Variants in CSMD1 observed in about 807,000 individuals in gnomAD.
CSMD1 encodes the protein CUB and Sushi multiple domains 1, also known as CUB and sushi domain-containing protein 1.
Under a neutral mutation model 417.5 loss-of-function variants are expected in CSMD1, and 213 were observed. That is an observed-to-expected ratio of 0.51 (90% CI 0.46 to 0.57). The LOEUF (loss-of-function observed/expected upper bound fraction) is 0.57, where lower values mean the gene tolerates loss of function less well. CSMD1 is among the 20% of genes least tolerant of loss of function. The probability of loss-of-function intolerance (pLI) is 0.00; values close to 1 mark genes in which losing one functional copy is unlikely to be tolerated. For synonymous variants in CSMD1, 2,862 were observed against 1,736.8 expected, an observed-to-expected ratio of 1.65 and a Z score of -16.11; for missense variants, 6,923 against 4,529.7, an observed-to-expected ratio of 1.53 and a Z score of -15.17.
At chr8:4,521,264 G>A (rs577384836) in intron 2 of CSMD1, among the ~76,000 whole-genome samples, 1 of 152,210 alleles carries the variant, frequency 6.6e-6, no homozygotes, top group South Asian at 2.1e-4. Context: ...ATGGGGTCAA[G>A]ACATAGCTGT....
intron 3 of CSMD1, among the ~76,000 whole-genome samples, chr8:4,263,925 G>A (rs1389972441): frequency 2.0e-5 from 3 of 152,108 alleles, no homozygotes; most frequent in Non-Finnish European, 4.4e-5. Flanking sequence ...TCTAAATACA[G>A]TGTTTTTCTA....
chr8:3,151,028 G>C lies in CSMD1; in HGVS notation c.6031+369C>G, dbSNP rs80246641. On this transcript the variant is annotated intron_variant, in intron 40 of 69. Coordinates refer to ENST00000635120, the MANE Select transcript of CSMD1 (RefSeq NM_033225.6). ...TAAAAGGAGTCATAACCTTTAAAAA[G>C]CCTTCAGAATTATCCAGAAGAAACA... is the stretch of plus-strand genomic sequence containing the variant. Among the ~76,000 whole-genome samples the C allele has an allele frequency of 4.1e-3, 627 of 152,150 alleles. 5 individuals carry two copies. The highest frequency in any genetic ancestry group is 0.014 in the African/African-American group (601 of 41,516).
At chr8:3,230,964 TATC>T (rs2116910300) in intron 26 of CSMD1, among the ~76,000 whole-genome samples, 1 of 152,242 alleles carries the variant, frequency 6.6e-6, no homozygotes, top group Non-Finnish European at 1.5e-5. Flanking sequence ...ACTGGAGCCT[TATC>T]ATATCAGTTT....
chr8:4,754,566 G>C (rs1811547975), intron 1 of CSMD1, among the ~76,000 whole-genome samples: 1 of 150,526 alleles, frequency 6.6e-6, no homozygotes, highest in Non-Finnish European at 1.5e-5. Context: ...TTAAAGCCAA[G>C]TAGGGCCAGG....
At chr8:4,540,801 C>G (rs564174730) in intron 2 of CSMD1, among the ~76,000 whole-genome samples, 1 of 152,062 alleles carries the variant, frequency 6.6e-6, no homozygotes, top group Non-Finnish European at 1.5e-5. Flanking sequence ...CTGTTATTAT[C>G]CCCATTTTAC....
intron 5 of CSMD1, among the ~76,000 whole-genome samples, chr8:3,849,013 T>C (rs1007043214): frequency 2.0e-5 from 3 of 151,810 alleles, no homozygotes; most frequent in African/African-American, 2.4e-5. Context: ...ATACAGAAGG[T>C]TCTCTGCTCA....
intron 2 of CSMD1, among the ~76,000 whole-genome samples, chr8:4,507,986 G>A (rs976804485): frequency 4.7e-5 from 7 of 149,380 alleles, no homozygotes; most frequent in Admixed American, 1.4e-4. Flanking sequence ...AGAATCCTAC[G>A]AACACAGACA....
chr8:4,432,991 G>C (rs1013480105), intron 2 of CSMD1, among the ~76,000 whole-genome samples: 1 of 152,072 alleles, frequency 6.6e-6, no homozygotes, highest in African/African-American at 2.4e-5. Flanking sequence ...AGATCAGTGG[G>C]AGCATTACAT....
At chr8:2,955,532 G>A in intron 64 of CSMD1, 57 bp downstream of exon 64, 1 of 1,564,456 alleles carries the variant, frequency 6.4e-7, no homozygotes. Flanking sequence ...CTGATGGGCA[G>A]CTGATCCTTT....
At chr8:4,787,743 G>A (rs940228812) in intron 1 of CSMD1, 2 of 1,587,692 alleles carry the variant, frequency 1.3e-6, no homozygotes, top group African/African-American at 1.3e-5. Context: ...CTGAGGAACA[G>A]CTGATTGCTG....
chr8:3,349,073 C>G (rs1273304811), intron 21 of CSMD1, among the ~76,000 whole-genome samples: 1 of 152,156 alleles, frequency 6.6e-6, no homozygotes, highest in African/African-American at 2.4e-5. Flanking sequence ...ACTATGTGCC[C>G]AGCACACCGA....
chr8:4,229,556 C>T (rs918152479), intron 3 of CSMD1, among the ~76,000 whole-genome samples: 1 of 152,156 alleles, frequency 6.6e-6, no homozygotes, highest in African/African-American at 2.4e-5. Context: ...ACCCAGCATT[C>T]CCCATCCTCA....
chr8:3,704,154 A>G (rs948015854), intron 7 of CSMD1, among the ~76,000 whole-genome samples: 3 of 152,208 alleles, frequency 2.0e-5, no homozygotes, highest in African/African-American at 7.2e-5. Flanking sequence ...GAAAAAAACC[A>G]GTCAGTTAGA....
At chr8:4,774,555 T>C (rs1039416465) in intron 1 of CSMD1, among the ~76,000 whole-genome samples, 3 of 152,210 alleles carry the variant, frequency 2.0e-5, no homozygotes, top group African/African-American at 7.2e-5. Context: ...CATATAGACA[T>C]TCTGATAATA....
intron 9 of CSMD1, among the ~76,000 whole-genome samples, chr8:3,578,904 C>G (rs1465506801): frequency 6.6e-6 from 1 of 152,234 alleles, no homozygotes. Context: ...AACAAGATCT[C>G]TCTCCGTAAG....
intron 3 of CSMD1, among the ~76,000 whole-genome samples, chr8:4,201,968 C>CA (rs1263144665): frequency 6.7e-6 from 1 of 148,516 alleles, no homozygotes; most frequent in Non-Finnish European, 1.5e-5. Flanking sequence ...AGACAGAAAA[C>CA]AAAAATGAAT....
intron 3 of CSMD1, among the ~76,000 whole-genome samples, chr8:4,193,230 A>T (rs1799135165): frequency 6.6e-6 from 1 of 152,158 alleles, no homozygotes; most frequent in Non-Finnish European, 1.5e-5. Flanking sequence ...GCTGCCACAA[A>T]CGTAAAACCT....
At position 4,254,056 on chromosome 8, in the gene CSMD1, A is replaced by T. The variant is rs150225094; in HGVS notation, c.415+165897T>A. On this transcript the variant is annotated intron_variant, in intron 3 of 69. Transcript: ENST00000635120. ...CTCAGCCTCCCAAGTAGCTGGGACT[A>T]CTGGTGCCCACCACCACGCCTGGCT... Among the ~76,000 whole-genome samples, 560 of 151,632 alleles carry T rather than the reference A, an allele frequency of 3.7e-3. 4 individuals are homozygous for T. The highest frequency in any genetic ancestry group is 0.013 in the African/African-American group (537 of 41,292).
At chr8:4,054,313 C>A (rs766315417) in intron 3 of CSMD1, among the ~76,000 whole-genome samples, 2 of 152,162 alleles carry the variant, frequency 1.3e-5, no homozygotes. Flanking sequence ...TCTCTCCTCT[C>A]CTCTGGGGAG....
Sources: allele counts gnomAD v4.1 joint callset (sites outside exome capture counted in the v4.1 genomes callset), GRCh38; gene constraint gnomAD v4.1.1; transcripts MANE v1.5; gene names NCBI Gene and HGNC (gene_info 2026-07-23, HGNC 2026-07-21).